The following NDST4 variants were observed in gnomAD, a reference collection of about 807,000 sequenced individuals.
NDST4 encodes the protein N-heparan sulfate sulfotransferase 4.
In NDST4, 63 loss-of-function variants were observed where a neutral mutation model predicts 100.8. The observed-to-expected ratio is 0.62, with a 90% confidence interval of 0.51 to 0.77. The LOEUF is 0.77. Among genes scored for constraint, NDST4 ranks in the 30% least tolerant of loss-of-function variants. The pLI is 0.00. For synonymous variants in NDST4, 377 were observed against 361.8 expected (o/e 1.04, Z -0.48); for missense variants, 943 against 1,018.4 (o/e 0.93, Z 1.01).
In NDST4 at chr4:114,899,744, C is replaced by A. The variant is rs545730410; in HGVS notation, c.1537-28794G>T. 6.6e-4 allele frequency among the ~76,000 whole-genome samples: 101 copies of A among 152,110 alleles called. 3 individuals are homozygous for A. In the South Asian group the frequency reaches 0.02, roughly 30 times the overall value. On this transcript the variant is annotated intron_variant, in intron 6 of 13. Coordinates refer to ENST00000264363, the MANE Select transcript of NDST4 (RefSeq NM_022569.3). The stretch of plus-strand genomic sequence containing the variant: ...TTGGATTTAATTTCCTAATATTTTG[C>A]TGATAATTTTTACATCTTTGTTCAT...
At chr4:115,058,595 ATTCTTT>A (rs1178742692) in intron 2 of NDST4, among the ~76,000 whole-genome samples, 3 of 151,990 alleles carry the variant, frequency 2.0e-5, no homozygotes. Context: ...TTCTCCCTCC[ATTCTTT>A]TTCTTTTTTA....
intron 2 of NDST4, among the ~76,000 whole-genome samples, chr4:115,039,471 A>T (rs1324703979): frequency 6.6e-6 from 1 of 152,150 alleles, no homozygotes; most frequent in Admixed American, 6.6e-5. Context: ...AATCCGAATT[A>T]AGCAAGAAGT....
intron 4 of NDST4, among the ~76,000 whole-genome samples, chr4:114,941,634 T>C (rs563655380): frequency 5.4e-4 from 82 of 152,320 alleles, no homozygotes; most frequent in South Asian, 1.4e-3. Context: ...AGCAAGTTTT[T>C]TTCTAGCAGT....
intron 2 of NDST4, among the ~76,000 whole-genome samples, chr4:115,048,762 A>G (rs1000342352): frequency 2.0e-5 from 3 of 151,948 alleles, no homozygotes; most frequent in Non-Finnish European, 1.5e-5. Flanking sequence ...CTCAGCCTCC[A>G]GAGTAGCTGG....
At chr4:115,095,050 G>A (rs2126296152) in intron 1 of NDST4, among the ~76,000 whole-genome samples, 1 of 152,258 alleles carries the variant, frequency 6.6e-6, no homozygotes, top group South Asian at 2.1e-4. Flanking sequence ...GTCAGAGACA[G>A]CTGTCTACCA....
chr4:115,070,064 T>A (rs968312776), intron 2 of NDST4, among the ~76,000 whole-genome samples: 1 of 152,104 alleles, frequency 6.6e-6, no homozygotes, highest in Non-Finnish European at 1.5e-5. Flanking sequence ...AGCAATCCCA[T>A]AACTGTATAT....
At chr4:114,947,399 G>C (rs1281260341) in intron 4 of NDST4, among the ~76,000 whole-genome samples, 2 of 152,090 alleles carry the variant, frequency 1.3e-5, no homozygotes, top group Non-Finnish European at 2.9e-5. Flanking sequence ...ACAAAGATGT[G>C]GTAGCATGAT....
chr4:114,897,974 C>G (rs1425335886), intron 6 of NDST4, among the ~76,000 whole-genome samples: 1 of 151,942 alleles, frequency 6.6e-6, no homozygotes, highest in Non-Finnish European at 1.5e-5. Context: ...TTTGATGTGC[C>G]CTTTGCAAAT....
intron 2 of NDST4, among the ~76,000 whole-genome samples, chr4:115,062,383 T>C (rs73848372): frequency 0.042 from 6,353 of 152,042 alleles, 466 homozygotes; most frequent in African/African-American, 0.14. Flanking sequence ...CTCAGATCAT[T>C]TTAGAAGATC....
intron 2 of NDST4, among the ~76,000 whole-genome samples, chr4:115,013,787 T>C (rs1295697268): frequency 2.0e-5 from 3 of 152,076 alleles, no homozygotes; most frequent in Non-Finnish European, 2.9e-5. Context: ...GTAAGGTCTA[T>C]TATGATAGAA....
intron 2 of NDST4, among the ~76,000 whole-genome samples, chr4:114,986,040 G>A (rs150858801): frequency 3.3e-5 from 5 of 152,212 alleles, no homozygotes; most frequent in African/African-American, 9.6e-5. Context: ...TATATATACC[G>A]GTAAGGATAA....
At chr4:114,962,738 A>G (rs1253213341) in intron 4 of NDST4, among the ~76,000 whole-genome samples, 1 of 152,112 alleles carries the variant, frequency 6.6e-6, no homozygotes, top group African/African-American at 2.4e-5. Context: ...TATTTCCCAA[A>G]TTGAGTTGCA....
At chr4:115,072,478 A>AT (rs1334850225) in intron 2 of NDST4, among the ~76,000 whole-genome samples, 18 of 152,240 alleles carry the variant, frequency 1.2e-4, no homozygotes, top group African/African-American at 4.1e-4. Context: ...TGATACTAGC[A>AT]TAAAAACAGA....
At chr4:114,911,687 T>C (rs552817156) in intron 6 of NDST4, among the ~76,000 whole-genome samples, 12 of 152,090 alleles carry the variant, frequency 7.9e-5, no homozygotes, top group Non-Finnish European at 1.8e-4. Flanking sequence ...AGGAAGAAAA[T>C]CATGAAAATA....
intron 4 of NDST4, among the ~76,000 whole-genome samples, chr4:114,956,867 T>C (rs76963995): frequency 6.6e-6 from 1 of 152,082 alleles, no homozygotes; most frequent in Non-Finnish European, 1.5e-5. Flanking sequence ...GCCAAAATTA[T>C]CTAAAATGTC....
At chr4:115,081,707 T>A (rs988396224) in intron 1 of NDST4, among the ~76,000 whole-genome samples, 4 of 152,168 alleles carry the variant, frequency 2.6e-5, no homozygotes, top group African/African-American at 9.6e-5. Flanking sequence ...TAGTCTAAGG[T>A]GATACACCAA....
chr4:114,916,890 AT>A (rs1010401884), intron 6 of NDST4, among the ~76,000 whole-genome samples: 1 of 148,958 alleles, frequency 6.7e-6, no homozygotes, highest in East Asian at 2.2e-4. Context: ...CGTACCCTTA[AT>A]TTTTTTTATT....
intron 4 of NDST4, among the ~76,000 whole-genome samples, chr4:114,942,498 C>T (rs545714153): frequency 6.6e-6 from 1 of 151,998 alleles, no homozygotes; most frequent in Non-Finnish European, 1.5e-5. Flanking sequence ...CTAACATTTC[C>T]TTAGTAGAGA....
chr4:114,908,740 C>T (rs192006820), intron 6 of NDST4, among the ~76,000 whole-genome samples: 10 of 152,222 alleles, frequency 6.6e-5, no homozygotes, highest in Non-Finnish European at 1.2e-4. Context: ...CATATATACA[C>T]GTACACACGG....
Sources: gnomAD v4.1 joint callset for allele counts (sites outside exome capture counted in the v4.1 genomes callset) on GRCh38, gnomAD v4.1.1 for gene constraint, MANE v1.5 for transcripts, NCBI Gene and HGNC (gene_info 2026-07-23, HGNC 2026-07-21) for gene names.